LEAP2: variants seen among roughly 807,000 people sequenced by gnomAD.
LEAP2 encodes liver enriched antimicrobial peptide 2.
Under a neutral mutation model 9.3 loss-of-function variants are expected in LEAP2, and 13 were observed. The ratio of observed to expected loss-of-function variants is 1.39; its 90% CI spans 0.91 to 2.21. The LOEUF (loss-of-function observed/expected upper bound fraction) is 2.21. Among genes scored for constraint, LEAP2 ranks in the 30% most tolerant of loss-of-function variants. LEAP2 has a pLI of 0.00. For synonymous variants in LEAP2, 34 were observed against 34.9 expected, an observed-to-expected ratio of 0.98 and a Z score of 0.09; for missense variants, 98 against 94.0, an observed-to-expected ratio of 1.04 and a Z score of -0.17.
Position 132,874,943 on chromosome 5 carries a change from A to C in LEAP2, c.*497A>C, listed in dbSNP as rs1378826040. 1.0e-5 allele frequency: 2 copies of C among 199,334 alleles called. No homozygotes were observed. The highest frequency in any genetic ancestry group is 2.0e-5 in the Non-Finnish European group (2 of 98,582). 12.3% of individuals were successfully genotyped at this position (199,334 alleles called of 1,614,324 possible). ...AAGCTTGGGAGGCTGAGGCAGGAGAATCACTTGAACCTGGGAGGTGGAGGT... is the reference window on the plus strand; with the variant it reads ...AAGCTTGGGAGGCTGAGGCAGGAGACTCACTTGAACCTGGGAGGTGGAGGT... On this transcript the variant is annotated 3_prime_UTR_variant, in exon 3 of 3. Transcript: ENST00000296877.
At chr5:132,874,157 G>A in intron 2 of LEAP2, 68 bp downstream of exon 2, 1 of 1,497,698 alleles carries the variant, frequency 6.7e-7, no homozygotes, top group Non-Finnish European at 9.1e-7. Flanking sequence ...GGAGTGACAA[G>A]GGGACACATG....
rs548829138 is a variant in LEAP2, at chr5:132,874,319, C to T, written c.198-91C>T. On this transcript the variant is annotated intron_variant, in intron 2 of 2. Coordinates refer to ENST00000296877, the MANE Select transcript of LEAP2 (RefSeq NM_052971.3). ...TTCTTCAGTCTTTCCTGAGACTGGACAGATCAAGCAAAGAGGAAGGAAATG... is the reference window on the plus strand; with the variant it reads ...TTCTTCAGTCTTTCCTGAGACTGGATAGATCAAGCAAAGAGGAAGGAAATG... The T allele has an allele frequency of 5.0e-5, 59 of 1,181,960 alleles. No individual in the cohort carries two copies. The African/African-American group carries it at 8.0e-4, about 16-fold the overall frequency. The allele number at this position is 1,181,960 out of a possible 1,614,324, so 73.2% of individuals were successfully genotyped here. A position where few individuals can be genotyped will look rare whatever the true frequency, so the allele number is the denominator to read the frequency against.
Position 132,874,462 on chromosome 5 carries a change from A to C in LEAP2, c.*16A>C. ...CCAGGAATGATGTACATACCAGGGAAAGAAAGGACAGCAGTCACCTCCGAC... is the reference window on the plus strand; with the variant it reads ...CCAGGAATGATGTACATACCAGGGACAGAAAGGACAGCAGTCACCTCCGAC... On this transcript the variant is annotated 3_prime_UTR_variant, in exon 3 of 3. Coordinates refer to ENST00000296877, the MANE Select transcript of LEAP2 (RefSeq NM_052971.3). The C allele has an allele frequency of 6.2e-7, 1 of 1,610,670 alleles. No individual in the cohort carries two copies. Among genetic ancestry groups the C allele is most frequent in the Non-Finnish European group, 8.5e-7 (1 of 1,176,866 alleles).
At chr5:132,874,332 G>T in intron 2 of LEAP2, 78 bp from the exon 3 acceptor site, 1 of 1,275,554 alleles carries the variant, frequency 7.8e-7, no homozygotes, top group Non-Finnish European at 1.1e-6. Flanking sequence ...ATCAAGCAAA[G>T]AGGAAGGAAA....
Position 132,874,770 on chromosome 5 carries a change from A to G in LEAP2, c.*324A>G. 1 of 444,764 alleles carries G rather than the reference A, an allele frequency of 2.2e-6. No homozygotes were observed. Among genetic ancestry groups the G allele is most frequent in the South Asian group, 2.1e-5 (1 of 47,140 alleles). The allele number at this position is 444,764 out of a possible 1,614,324, so 27.6% of individuals were successfully genotyped here. On this transcript the variant is annotated 3_prime_UTR_variant, in exon 3 of 3. Coordinates refer to ENST00000296877, the MANE Select transcript of LEAP2 (RefSeq NM_052971.3). Reference sequence around the variant, plus strand: ...TTTGTATACTAAAGAAAAAAACAGCATTGCCCAATAATGTGTTAACTTCTC... The same window carrying G: ...TTTGTATACTAAAGAAAAAAACAGCGTTGCCCAATAATGTGTTAACTTCTC...
intron 2 of LEAP2, 130 bp downstream of exon 2, chr5:132,874,219 C>T: frequency 8.9e-7 from 1 of 1,117,892 alleles, no homozygotes. Flanking sequence ...ACTGGGAGCT[C>T]CATGGAAAAT....
chr5:132,874,395 T>A lies in LEAP2; in HGVS notation c.198-15T>A. On this transcript the variant is annotated splice_polypyrimidine_tract_variant and intron_variant, in intron 2 of 2. Coordinates refer to ENST00000296877, the MANE Select transcript of LEAP2 (RefSeq NM_052971.3). ...TAGACCCAGTCTTAAAAAACTACCC[T>A]TTCTTTTCCCCTAGAAAAAGACGCT... 1 of 1,612,402 alleles carries A rather than the reference T, an allele frequency of 6.2e-7. No individual in the cohort carries two copies. The highest frequency in any genetic ancestry group is 8.5e-7 in the Non-Finnish European group (1 of 1,178,512).
chr5:132,873,939 T>C lies in LEAP2; in HGVS notation c.58-11T>C. 6.2e-7 allele frequency: 1 copy of C among 1,613,908 alleles called. No homozygotes were observed. The highest frequency in any genetic ancestry group is 2.2e-5 in the East Asian group (1 of 44,878). ...CAACACTTTCATATCTGAATGTCTT[T>C]GCCCTTACAGATAGATGGCTCCCCA... On this transcript the variant is annotated splice_polypyrimidine_tract_variant and intron_variant, in intron 1 of 2. Coordinates refer to ENST00000296877, the MANE Select transcript of LEAP2 (RefSeq NM_052971.3).
rs757012049 is a variant in LEAP2, at chr5:132,873,941, C to G, written c.58-9C>G. The G allele has an allele frequency of 8.7e-6, 14 of 1,613,608 alleles. No homozygotes were observed. The East Asian group carries it at 3.1e-4, about 36-fold the overall frequency. On this transcript the variant is annotated splice_polypyrimidine_tract_variant and intron_variant, in intron 1 of 2. Coordinates refer to ENST00000296877, the MANE Select transcript of LEAP2 (RefSeq NM_052971.3). ...ACACTTTCATATCTGAATGTCTTTG[C>G]CCTTACAGATAGATGGCTCCCCAAT...
chr5:132,873,795 A>C (rs746815215), intron 1 of LEAP2, 44 bp downstream of exon 1: 1 of 1,591,736 alleles, frequency 6.3e-7, no homozygotes, highest in South Asian at 1.1e-5. Flanking sequence ...GAGTGTGGAG[A>C]TGATAGTGGT....
chr5:132,873,988 G>A lies in LEAP2; in HGVS notation c.96G>A (p.Lys32=), dbSNP rs765504771. Residue 32 remains lysine (K), a synonymous_variant, in exon 2 of 3, where the codon AAG becomes AAA. Transcript: ENST00000296877. ...GSPIPEVSSA[K]RRPRRMTPFW... Reference sequence around the variant, plus strand: ...CAATACCAGAAGTGAGTTCGGCAAAGAGAAGGCCACGGAGAATGACCCCAT... The same window carrying A: ...CAATACCAGAAGTGAGTTCGGCAAAAAGAAGGCCACGGAGAATGACCCCAT... The A allele has an allele frequency of 6.2e-7, 1 of 1,614,190 alleles. No homozygotes were observed. Among genetic ancestry groups the A allele is most frequent in the Admixed American group, 1.7e-5 (1 of 60,026 alleles).
Position 132,874,461 on chromosome 5 carries a change from A to G in LEAP2, c.*15A>G. On this transcript the variant is annotated 3_prime_UTR_variant, in exon 3 of 3. Transcript: ENST00000296877. Reference sequence around the variant, plus strand: ...CCCAGGAATGATGTACATACCAGGGAAAGAAAGGACAGCAGTCACCTCCGA... The same window carrying G: ...CCCAGGAATGATGTACATACCAGGGGAAGAAAGGACAGCAGTCACCTCCGA... 2 of 1,611,274 alleles carry G rather than the reference A, an allele frequency of 1.2e-6. No homozygotes were observed. Among genetic ancestry groups the G allele is most frequent in the Non-Finnish European group, 1.7e-6 (2 of 1,177,422 alleles).
rs906736544 is a variant in LEAP2, at chr5:132,874,767, A to G, written c.*321A>G. 8 of 451,434 alleles carry G rather than the reference A, an allele frequency of 1.8e-5. No individual in the cohort carries two copies. The highest frequency in any genetic ancestry group is 2.9e-5 in the Non-Finnish European group (7 of 244,688). 28.0% of individuals were successfully genotyped at this position (451,434 alleles called of 1,614,324 possible). ...CATTTTGTATACTAAAGAAAAAAAC[A>G]GCATTGCCCAATAATGTGTTAACTT... On this transcript the variant is annotated 3_prime_UTR_variant, in exon 3 of 3. Coordinates refer to ENST00000296877, the MANE Select transcript of LEAP2 (RefSeq NM_052971.3).
At position 132,874,420 on chromosome 5, in the gene LEAP2, T is replaced by C. The variant is rs773169517; in HGVS notation, c.208T>C (p.Cys70Arg). ...TTTCTTTTCCCCTAGAAAAAGACGCTGTTCCTTAAGTGTGGCCCAGGAATG... is the reference window on the plus strand; with the variant it reads ...TTTCTTTTCCCCTAGAAAAAGACGCCGTTCCTTAAGTGTGGCCCAGGAATG... ...CITRLCRKRR[C>R]SLSVAQE is the part of the protein sequence containing the mutation. The change falls in exon 3 of 3, where the codon TGT becomes CGT. Residue 70 changes from cysteine (C) to arginine (R), a missense_variant. By Grantham distance (180) the Cys-to-Arg change is radical. Coordinates refer to ENST00000296877, the MANE Select transcript of LEAP2 (RefSeq NM_052971.3). The C allele has an allele frequency of 6.2e-7, 1 of 1,613,934 alleles. No individual in the cohort carries two copies. The highest frequency in any genetic ancestry group is 1.3e-5 in the African/African-American group (1 of 75,018).
Position 132,874,541 on chromosome 5 carries a change from A to T in LEAP2, c.*95A>T. On this transcript the variant is annotated 3_prime_UTR_variant, in exon 3 of 3. Transcript: ENST00000296877. ...ACTGCATTTTGGCTGGAGACACCCA[A>T]GTGAAGCAATCTTGTATTTTTAATA... 1 of 1,046,550 alleles carries T rather than the reference A, an allele frequency of 9.6e-7. No homozygotes were observed. The highest frequency in any genetic ancestry group is 1.5e-6 in the Non-Finnish European group (1 of 669,926). 64.8% of individuals were successfully genotyped at this position (1,046,550 alleles called of 1,614,324 possible).
At chr5:132,873,799 T>C (rs374869294) in intron 1 of LEAP2, 48 bp downstream of exon 1, 2 of 1,588,960 alleles carry the variant, frequency 1.3e-6, no homozygotes, top group Non-Finnish European at 1.7e-6. Flanking sequence ...GTGGAGATGA[T>C]AGTGGTGGTG....
Position 132,874,274 on chromosome 5 carries a change from G to C in LEAP2, c.198-136G>C, listed in dbSNP as rs372038420. On this transcript the variant is annotated intron_variant, in intron 2 of 2. Transcript: ENST00000296877. ...AAGAACAGCTCTATGTGGGTACCAT[G>C]AAAGAGTGGTGCCTTTCCATTCTTC... is the stretch of plus-strand genomic sequence containing the variant. 112 of 977,284 alleles carry C rather than the reference G, an allele frequency of 1.1e-4. 2 individuals are homozygous for C. In the East Asian group the frequency reaches 1.5e-3, roughly 13 times the overall value. 60.5% of individuals were successfully genotyped at this position (977,284 alleles called of 1,614,324 possible). A position where few individuals can be genotyped will look rare whatever the true frequency, so the allele number is the denominator to read the frequency against.
In LEAP2 at chr5:132,873,771, T is replaced by C. The variant is rs1561471938; in HGVS notation, c.57+20T>C. The C allele has an allele frequency of 6.2e-7, 1 of 1,608,066 alleles. No individual in the cohort carries two copies. The highest frequency in any genetic ancestry group is 1.1e-5 in the South Asian group (1 of 90,950). ...GGCCAGGTAAGGAGGGAAGGATACT[T>C]ATGTGTGTGTGTGGAGTGTGGAGAT... On this transcript the variant is annotated intron_variant, in intron 1 of 2. Transcript: ENST00000296877.
rs1759787444 is a variant in LEAP2, at chr5:132,874,415, G to C, written c.203G>C (p.Arg68Thr). The C allele has an allele frequency of 6.2e-7, 1 of 1,613,864 alleles. No homozygotes were observed. The highest frequency in any genetic ancestry group is 1.3e-5 in the African/African-American group (1 of 75,022). The stretch of plus-strand genomic sequence containing the variant: ...TACCCTTTCTTTTCCCCTAGAAAAA[G>C]ACGCTGTTCCTTAAGTGTGGCCCAG... The part of the protein sequence containing the change: ...SECITRLCRK[R>T]RCSLSVAQE Residue 68 changes from arginine (R) to threonine (T), a missense_variant, in exon 3 of 3, where the codon AGA (arginine) becomes ACA (threonine). Transcript: ENST00000296877.
Sources: allele counts gnomAD v4.1 joint callset, GRCh38; gene constraint gnomAD v4.1.1; transcripts MANE v1.5; gene names NCBI Gene and HGNC (gene_info 2026-07-23, HGNC 2026-07-21).